Variants in KDM2A observed in about 807,000 individuals in gnomAD.
The protein encoded by KDM2A is lysine demethylase 2A.
Under a neutral mutation model 137.3 loss-of-function variants are expected in KDM2A, and 3 were observed. The observed-to-expected ratio is 0.02, with a 90% CI of 0.01 to 0.06. The LOEUF (loss-of-function observed/expected upper bound fraction) is 0.06. Among genes scored for constraint, KDM2A ranks in the 10% least tolerant of loss-of-function variants. The pLI, the probability that KDM2A is intolerant of heterozygous loss-of-function variation, is 1.00. For missense variants in KDM2A, 738 were observed against 1,510.6 expected (o/e 0.49, Z 8.48); for synonymous variants, 512 against 541.5 (o/e 0.95, Z 0.76).
At chr11:67,231,112 A>G (rs1258789104) in intron 11 of KDM2A, among the ~76,000 whole-genome samples, 2 of 151,970 alleles carry the variant, frequency 1.3e-5, no homozygotes, top group African/African-American at 2.4e-5. Context: ...ATGCATCACT[A>G]TACCCAGCTA....
chr11:67,143,613 T>C (rs74332695), intron 2 of KDM2A, among the ~76,000 whole-genome samples: 2 of 151,910 alleles, frequency 1.3e-5, no homozygotes, highest in Non-Finnish European at 2.9e-5. Context: ...CTGTCTGTCT[T>C]TCTCTTTTTA....
At chr11:67,252,440 C>T (rs1859458308) in intron 17 of KDM2A, 2 of 485,190 alleles carry the variant, frequency 4.1e-6, no homozygotes, top group Non-Finnish European at 7.6e-6. Context: ...TCAAACACTC[C>T]AGAATAAATC....
intron 5 of KDM2A, among the ~76,000 whole-genome samples, chr11:67,189,498 A>T (rs1857292802): frequency 6.6e-6 from 1 of 152,294 alleles, no homozygotes; most frequent in Admixed American, 6.5e-5. Flanking sequence ...CTGAGGCAGG[A>T]GGATTGCTTG....
In KDM2A at chr11:67,231,740, C is replaced by T. The variant is rs547922561; in HGVS notation, c.1259C>T (p.Thr420Ile). The change falls in exon 12 of 21, where the codon ACT (threonine) becomes ATT (isoleucine). Residue 420 changes from threonine to isoleucine, a missense_variant. This residue lies in a region of KDM2A where 113 missense variants were observed against 133.5 expected (regional missense o/e 0.85). Transcript: ENST00000529006. ...CGAAGTCTTCCAAGTCTGAAGAAAA[C>T]TTTGGCTGGGGACTCATCTTCTGAC... Reference protein sequence around the residue: ...TCRSLPSLKKTLAGDSSSDCS... With the variant: ...TCRSLPSLKKILAGDSSSDCS... 47 of 1,613,968 alleles carry T rather than the reference C, an allele frequency of 2.9e-5. 1 individual carries two copies. Among genetic ancestry groups the T allele is most frequent in the African/African-American group, 4.0e-5 (3 of 75,046 alleles).
At chr11:67,150,002 G>A (rs1028414858) in intron 2 of KDM2A, among the ~76,000 whole-genome samples, 4 of 152,144 alleles carry the variant, frequency 2.6e-5, no homozygotes, top group African/African-American at 9.7e-5. Flanking sequence ...GATTACAGGC[G>A]TGAGCCACTG....
At chr11:67,138,403 T>C (rs946444798) in intron 2 of KDM2A, among the ~76,000 whole-genome samples, 4 of 152,214 alleles carry the variant, frequency 2.6e-5, no homozygotes, top group African/African-American at 9.7e-5. Flanking sequence ...TTTATTCACC[T>C]ACAAGGTTCT....
At chr11:67,120,246 G>T (rs1436169870) in intron 1 of KDM2A, among the ~76,000 whole-genome samples, 197 bp downstream of exon 1, 1 of 152,242 alleles carries the variant, frequency 6.6e-6, no homozygotes, top group Admixed American at 6.5e-5. Flanking sequence ...CCCAGGGGGT[G>T]CAAGCACGGT....
In KDM2A at chr11:67,215,474, C is replaced by T. The variant is rs181236055; in HGVS notation, c.593+28C>T. The T allele has an allele frequency of 1.2e-4, 181 of 1,470,584 alleles. No individual in the cohort carries two copies. In the Admixed American group the frequency reaches 2.8e-3, roughly 22 times the overall value. The allele number at this position is 1,470,584 out of a possible 1,614,324, so 91.1% of individuals were successfully genotyped here. Reference sequence around the variant, plus strand: ...AAGTGATGCGCCCTGCATCTTCCTCCGTGTGCTGTGGGAGACCAAAGCAAT... The same window carrying T: ...AAGTGATGCGCCCTGCATCTTCCTCTGTGTGCTGTGGGAGACCAAAGCAAT... On this transcript the variant is annotated intron_variant, in intron 7 of 20. Coordinates refer to ENST00000529006, the MANE Select transcript of KDM2A (RefSeq NM_012308.3).
intron 12 of KDM2A, among the ~76,000 whole-genome samples, chr11:67,237,719 A>C (rs1004037180): frequency 6.6e-6 from 1 of 152,014 alleles, no homozygotes; most frequent in African/African-American, 2.4e-5. Flanking sequence ...AGGCTGAAGC[A>C]GGAGGATCAC....
chr11:67,149,388 A>G (rs1301283019), intron 2 of KDM2A, among the ~76,000 whole-genome samples: 2 of 152,200 alleles, frequency 1.3e-5, no homozygotes, highest in African/African-American at 2.4e-5. Flanking sequence ...TGAGCTTTCA[A>G]TAAAAGGTAT....
At chr11:67,237,943 G>A (rs1474541241) in intron 12 of KDM2A, among the ~76,000 whole-genome samples, 3 of 151,516 alleles carry the variant, frequency 2.0e-5, no homozygotes, top group Non-Finnish European at 4.4e-5. Flanking sequence ...TTTATATCCT[G>A]TTATAGGATA....
intron 12 of KDM2A, chr11:67,240,386 G>T: frequency 6.5e-7 from 1 of 1,531,886 alleles, no homozygotes. Context: ...GGGTCGATCG[G>T]CAAACCCTTT....
At chr11:67,138,199 A>T (rs1186243498) in intron 2 of KDM2A, among the ~76,000 whole-genome samples, 4 of 152,150 alleles carry the variant, frequency 2.6e-5, no homozygotes, top group African/African-American at 9.7e-5. Flanking sequence ...CTTTTTACCT[A>T]GTAAGAGTAG....
intron 6 of KDM2A, among the ~76,000 whole-genome samples, chr11:67,208,129 A>G (rs1857867140): frequency 6.7e-6 from 1 of 149,108 alleles, no homozygotes; most frequent in Non-Finnish European, 1.5e-5. Context: ...CTATTTGACA[A>G]GAATAATTTG....
At chr11:67,221,152 T>A (rs1043438314) in intron 10 of KDM2A, among the ~76,000 whole-genome samples, 2 of 152,166 alleles carry the variant, frequency 1.3e-5, no homozygotes, top group African/African-American at 4.8e-5. Context: ...TTTAGCAGAA[T>A]TCTAATTGGT....
At chr11:67,211,514 T>C (rs1423325444) in intron 6 of KDM2A, among the ~76,000 whole-genome samples, 1 of 145,300 alleles carries the variant, frequency 6.9e-6, no homozygotes, top group Non-Finnish European at 1.5e-5. Context: ...CCTGGGAAGT[T>C]GAGGTGGGAG....
At position 67,254,364 on chromosome 11, in the gene KDM2A, C is replaced by T; in HGVS notation, c.3253C>T (p.Leu1085Phe). The T allele has an allele frequency of 6.2e-7, 1 of 1,614,082 alleles. No homozygotes were observed. Among genetic ancestry groups the T allele is most frequent in the Non-Finnish European group, 8.5e-7 (1 of 1,179,904 alleles). ...SHLTDQSSNL[L>F]TAVGSSTRYS... ...CCTTACAGATCAGTCCTCCAATCTA[C>T]TCACTGCTGTCGGGTCTTCCACTCG... Residue 1085 changes from leucine (L) to phenylalanine (F), a missense_variant, in exon 20 of 21, where the codon CTC becomes TTC. Physicochemically the swap from Leu to Phe is conservative, Grantham distance 22. Coordinates refer to ENST00000529006, the MANE Select transcript of KDM2A (RefSeq NM_012308.3). The surrounding 1 kb of genome is among the most constrained non-coding windows in gnomAD (Gnocchi z 4.7).
At chr11:67,193,910 G>T (rs1006286433) in intron 5 of KDM2A, among the ~76,000 whole-genome samples, 1 of 152,168 alleles carries the variant, frequency 6.6e-6, no homozygotes, top group Non-Finnish European at 1.5e-5. Context: ...GTCTCGCTGT[G>T]TTGAAGAAGC....
In KDM2A at chr11:67,183,250, CAG is replaced by C. The variant is rs769120628; in HGVS notation, c.307+1359_307+1360del. 1.5e-3 allele frequency among the ~76,000 whole-genome samples: 231 copies of C among 152,232 alleles called. 3 individuals are homozygous for C. Among genetic ancestry groups the C allele is most frequent in the Non-Finnish European group, 3.8e-4 (26 of 68,046 alleles). On this transcript the variant is annotated intron_variant, in intron 5 of 20. Transcript: ENST00000529006. ...CCTACTCGTCACAAGACAGAACACTCAGGGGACCTCAGAAAACCTACCTGAAT... is the reference window on the plus strand; with the variant it reads ...CCTACTCGTCACAAGACAGAACACTCGGGACCTCAGAAAACCTACCTGAAT...
Sources: gnomAD v4.1 joint callset for allele counts (sites outside exome capture counted in the v4.1 genomes callset) on GRCh38, gnomAD v4.1.1 for gene constraint, gnomAD v4.1.1 regional missense constraint, Gnocchi (gnomAD v3.1) non-coding constraint, MANE v1.5 for transcripts, NCBI Gene and HGNC (gene_info 2026-07-23, HGNC 2026-07-21) for gene names.